XIRP2: variants seen among roughly 807,000 people sequenced by gnomAD.
The protein encoded by XIRP2 is xin actin binding repeat containing 2.
Under a neutral mutation model 277.0 loss-of-function variants are expected in XIRP2, and 236 were observed. The ratio of observed to expected loss-of-function variants is 0.85; its 90% CI spans 0.77 to 0.95. The LOEUF is 0.95. Among genes scored for constraint, XIRP2 ranks in the 40% least tolerant of loss-of-function variants. The probability of loss-of-function intolerance (pLI) is 0.00; values close to 1 mark genes in which losing one functional copy is unlikely to be tolerated. For missense variants in XIRP2, 4,640 were observed against 4,157.5 expected, an observed-to-expected ratio of 1.12 and a Z score of -3.19; for synonymous variants, 1,490 against 1,416.5, an observed-to-expected ratio of 1.05 and a Z score of -1.17.
chr2:166,911,744 G>A (rs1320404139), intron 2 of XIRP2, among the ~76,000 whole-genome samples: 1 of 152,096 alleles, frequency 6.6e-6, no homozygotes, highest in African/African-American at 2.4e-5. Context: ...GCTGTCGCTG[G>A]TACTGGTTGT....
At chr2:167,030,067 T>C (rs1352018701) in intron 2 of XIRP2, among the ~76,000 whole-genome samples, 3 of 152,200 alleles carry the variant, frequency 2.0e-5, no homozygotes, top group African/African-American at 7.2e-5. Flanking sequence ...ATCTCCGCTT[T>C]ATCATTTTTT....
rs1037588406 is a variant in XIRP2 at position 166,966,243 on chromosome 2, C to T, written c.408+62353C>T. 1.4e-4 allele frequency among the ~76,000 whole-genome samples: 22 copies of T among 151,752 alleles called. 1 individual carries two copies. The highest frequency in any genetic ancestry group is 3.4e-4 in the African/African-American group (14 of 41,456). ...ATTTGCATTCTCAATATATTTTTCA[C>T]GTAATAATTTGATCTAGAAAACTTG... is the stretch of plus-strand genomic sequence containing the variant. On this transcript the variant is annotated intron_variant, in intron 2 of 10. Coordinates refer to ENST00000409195, the MANE Select transcript of XIRP2 (RefSeq NM_152381.6).
intron 2 of XIRP2, among the ~76,000 whole-genome samples, chr2:167,012,171 C>A (rs1229553409): frequency 1.3e-5 from 2 of 151,828 alleles, no homozygotes; most frequent in Non-Finnish European, 2.9e-5. Context: ...AATTTTGGAT[C>A]TTTCCTGCTT....
rs1035607887 is a variant in XIRP2 at position 167,248,100 on chromosome 2, G to A, written c.6708G>A (p.Lys2236=). Residue 2236 remains lysine (K), a synonymous_variant, in exon 9 of 11, where the codon AAG becomes AAA. Coordinates refer to ENST00000409195, the MANE Select transcript of XIRP2 (RefSeq NM_152381.6). ...CTGAAAAAAGTCACAATACATTTAA[G>A]GCAACCAACAAAAAGCGGGAGACTG... The part of the protein sequence containing the change: ...KVSEKSHNTF[K]ATNKKRETDV... The A allele has an allele frequency of 6.2e-7, 1 of 1,613,246 alleles. No individual in the cohort carries two copies. Among genetic ancestry groups the A allele is most frequent in the Non-Finnish European group, 8.5e-7 (1 of 1,179,706 alleles).
At chr2:167,207,497 A>C (rs1268551761) in intron 3 of XIRP2, among the ~76,000 whole-genome samples, 5 of 152,222 alleles carry the variant, frequency 3.3e-5, no homozygotes, top group African/African-American at 1.2e-4. Context: ...CAAGAAAGGA[A>C]GAGTGTTCTG....
chr2:167,254,077 A>C lies in XIRP2; in HGVS notation c.10601A>C (p.Asp3534Ala). Residue 3534 changes from aspartate (D) to alanine (A), a missense_variant, in exon 10 of 11, where the codon GAC (aspartate) becomes GCC (alanine). Asp to Ala is a moderately radical substitution (Grantham distance 126). Transcript: ENST00000409195. ...GGAAATATGTATACTTTGTCAAAAGACAGTTTATCCAATGGAGTGCCTAGT... is the reference window on the plus strand; with the variant it reads ...GGAAATATGTATACTTTGTCAAAAGCCAGTTTATCCAATGGAGTGCCTAGT... ...RQGNMYTLSK[D>A]SLSNGVPSGR... 6.2e-7 allele frequency: 1 copy of C among 1,609,230 alleles called. No individual in the cohort carries two copies. Among genetic ancestry groups the C allele is most frequent in the Non-Finnish European group, 8.5e-7 (1 of 1,177,544 alleles).
intron 5 of XIRP2, among the ~76,000 whole-genome samples, chr2:167,234,887 A>G: frequency 6.6e-6 from 1 of 151,648 alleles, no homozygotes; most frequent in Middle Eastern, 3.2e-3. Flanking sequence ...ATTCTGCCCA[A>G]TGCATCCCAC....
intron 2 of XIRP2, among the ~76,000 whole-genome samples, chr2:167,067,492 C>A (rs1009765825): frequency 2.0e-5 from 3 of 152,122 alleles, no homozygotes; most frequent in Non-Finnish European, 4.4e-5. Flanking sequence ...AGCTTCAATT[C>A]AAGACCACTG....
intron 3 of XIRP2, among the ~76,000 whole-genome samples, chr2:167,150,622 T>C (rs985151715): frequency 1.3e-5 from 2 of 152,016 alleles, no homozygotes; most frequent in Non-Finnish European, 2.9e-5. Flanking sequence ...CTGAGATGTA[T>C]TGATATGTTG....
chr2:167,244,752 T>C lies in XIRP2; in HGVS notation c.3360T>C (p.His1120=). ...TAATGACCAGCAGTGAAGAAATTCATAAGGGAGATGTCAAAACTTGTACTT... is the reference window on the plus strand; with the variant it reads ...TAATGACCAGCAGTGAAGAAATTCACAAGGGAGATGTCAAAACTTGTACTT... ...VSLMTSSEEI[H]KGDVKTCTWL... Residue 1120 remains histidine, a synonymous_variant, in exon 9 of 11, where the codon CAT becomes CAC. Transcript: ENST00000409195. 6.2e-7 allele frequency: 1 copy of C among 1,613,358 alleles called. No homozygotes were observed. Among genetic ancestry groups the C allele is most frequent in the Non-Finnish European group, 8.5e-7 (1 of 1,179,706 alleles).
At chr2:167,049,013 A>T (rs1688854645) in intron 2 of XIRP2, among the ~76,000 whole-genome samples, 1 of 151,730 alleles carries the variant, frequency 6.6e-6, no homozygotes. Context: ...CCCACTTTCC[A>T]GCTTCTTGGC....
At chr2:167,128,626 T>C (rs962897445) in intron 2 of XIRP2, among the ~76,000 whole-genome samples, 5 of 152,142 alleles carry the variant, frequency 3.3e-5, no homozygotes, top group South Asian at 2.1e-4. Context: ...CTGACAGATA[T>C]ATGTATCTAA....
intron 2 of XIRP2, among the ~76,000 whole-genome samples, chr2:167,056,167 A>G (rs1435610294): frequency 6.6e-6 from 1 of 152,176 alleles, no homozygotes; most frequent in Non-Finnish European, 1.5e-5. Flanking sequence ...GACAGCTAAG[A>G]TGGCATTTAC....
At chr2:167,166,472 C>T (rs1692522885) in intron 3 of XIRP2, among the ~76,000 whole-genome samples, 1 of 152,034 alleles carries the variant, frequency 6.6e-6, no homozygotes, top group Admixed American at 6.6e-5. Flanking sequence ...CTATTATATA[C>T]AGTTGATTGA....
chr2:167,016,176 TC>T (rs569844603), intron 2 of XIRP2, among the ~76,000 whole-genome samples: 29 of 151,910 alleles, frequency 1.9e-4, no homozygotes, highest in African/African-American at 6.8e-4. Context: ...TCCTTCATCT[TC>T]CCCTCCTTTT....
At chr2:167,171,704 T>G (rs904327573) in intron 3 of XIRP2, among the ~76,000 whole-genome samples, 2 of 151,514 alleles carry the variant, frequency 1.3e-5, no homozygotes, top group African/African-American at 4.9e-5. Context: ...TAGTTCTGAG[T>G]TTTTTAATTC....
intron 2 of XIRP2, among the ~76,000 whole-genome samples, chr2:166,936,589 A>G (rs1049583810): frequency 6.6e-6 from 1 of 152,182 alleles, no homozygotes; most frequent in Admixed American, 6.5e-5. Context: ...TAATTTTTGT[A>G]TAAGGTGTAA....
intron 2 of XIRP2, among the ~76,000 whole-genome samples, chr2:167,017,618 C>T (rs966767539): frequency 6.6e-6 from 1 of 151,988 alleles, no homozygotes; most frequent in African/African-American, 2.4e-5. Context: ...ACAAAGGACT[C>T]CATCATTGTG....
intron 2 of XIRP2, among the ~76,000 whole-genome samples, chr2:166,929,810 C>T (rs561639597): frequency 4.6e-5 from 7 of 152,026 alleles, no homozygotes; most frequent in East Asian, 1.9e-4. Flanking sequence ...CTTTTGGCTT[C>T]GTAAGATGAC....
Sources: allele counts gnomAD v4.1 joint callset (sites outside exome capture counted in the v4.1 genomes callset), GRCh38; gene constraint gnomAD v4.1.1; transcripts MANE v1.5; gene names NCBI Gene and HGNC (gene_info 2026-07-23, HGNC 2026-07-21).